The following RBM39 variants were observed in gnomAD, a reference collection of about 807,000 sequenced individuals.
RBM39 encodes RNA binding motif protein 39, also known as RNA-binding protein 39.
In RBM39, 12 loss-of-function variants were observed where a neutral mutation model predicts 79.6. The observed-to-expected ratio is 0.15, with a 90% confidence interval of 0.10 to 0.24. The LOEUF is 0.24. Among genes scored for constraint, RBM39 ranks in the 10% least tolerant of loss-of-function variants. The pLI is 1.00. For missense variants in RBM39, 243 were observed against 653.4 expected, an observed-to-expected ratio of 0.37 and a Z score of 6.85; for synonymous variants, 185 against 208.4, an observed-to-expected ratio of 0.89 and a Z score of 0.97.
intron 3 of RBM39, chr20:35,734,935 T>C (rs746857253): frequency 6.3e-7 from 1 of 1,589,294 alleles, no homozygotes; most frequent in Non-Finnish European, 8.5e-7. Context: ...CAGTGAAATT[T>C]TGTACTGAAC....
chr20:35,738,739 T>C (rs1470762174), intron 3 of RBM39, among the ~76,000 whole-genome samples: 1 of 152,200 alleles, frequency 6.6e-6, no homozygotes, highest in Non-Finnish European at 1.5e-5. Context: ...CAGATTGTCA[T>C]GATGGACTTG....
intron 8 of RBM39, 117 bp from the exon 9 acceptor site, chr20:35,721,994 T>TATC: frequency 8.6e-7 from 1 of 1,165,990 alleles, no homozygotes; most frequent in Non-Finnish European, 1.2e-6. Flanking sequence ...CTACCCTACG[T>TATC]AAGTCAGATA....
intron 6 of RBM39, among the ~76,000 whole-genome samples, chr20:35,725,656 T>TC (rs1488124997): frequency 2.7e-5 from 4 of 146,110 alleles, no homozygotes. Flanking sequence ...AAACCCATTT[T>TC]CTTTTTTTTT....
chr20:35,721,916 A>G (rs773424651), intron 8 of RBM39, 39 bp from the exon 9 acceptor site: 9 of 1,595,250 alleles, frequency 5.6e-6, no homozygotes, highest in Non-Finnish European at 7.7e-6. Flanking sequence ...GATAACACAC[A>G]GCAGTTTAAA....
At chr20:35,710,986 G>A (rs1030861974) in intron 12 of RBM39, among the ~76,000 whole-genome samples, 1 of 152,090 alleles carries the variant, frequency 6.6e-6, no homozygotes, top group Admixed American at 6.6e-5. Context: ...TATACTACAC[G>A]ATGAGAAAGA....
At position 35,725,113 on chromosome 20, in the gene RBM39, C is replaced by T. The variant is rs1394927460; in HGVS notation, c.459G>A (p.Arg153=). ...DNLTPEERDA[R]TVFCMQLAAR... ...CCGCCAGCTGCATACAGAAGACTGT[C>T]CTTGCATCTCTTTCCTCAGGAGTTA... Residue 153 remains arginine, a synonymous_variant, in exon 7 of 17, where the codon AGG becomes AGA. Transcript: ENST00000253363. 2.5e-5 allele frequency: 40 copies of T among 1,611,118 alleles called. No homozygotes were observed. The Admixed American group carries it at 6.3e-4, about 26-fold the overall frequency.
At chr20:35,730,614 G>C (rs2039260973) in intron 4 of RBM39, among the ~76,000 whole-genome samples, 1 of 151,926 alleles carries the variant, frequency 6.6e-6, no homozygotes, top group African/African-American at 2.4e-5. Flanking sequence ...CCAACATTAA[G>C]AACTAAGTAA....
chr20:35,721,635 T>C, intron 9 of RBM39, 105 bp downstream of exon 9: 1 of 1,336,932 alleles, frequency 7.5e-7, no homozygotes, highest in South Asian at 1.5e-5. Context: ...CCTTATCCTC[T>C]TAATATTAAC....
intron 14 of RBM39, among the ~76,000 whole-genome samples, 178 bp downstream of exon 14, chr20:35,706,942 G>A (rs1312643296): frequency 3.4e-5 from 5 of 146,596 alleles, no homozygotes; most frequent in Non-Finnish European, 7.4e-5. Flanking sequence ...CAGGAGAATC[G>A]CTTGAACCCA....
intron 11 of RBM39, chr20:35,713,326 T>G: frequency 2.5e-6 from 1 of 395,912 alleles, no homozygotes; most frequent in Middle Eastern, 7.3e-4. Flanking sequence ...TCTTTTTTTT[T>G]TGAGATGGAG....
At chr20:35,734,843 A>C in intron 3 of RBM39, 1 of 1,422,324 alleles carries the variant, frequency 7.0e-7, no homozygotes, top group South Asian at 1.7e-5. Context: ...TTATTACATT[A>C]ACTAAAGAAG....
intron 6 of RBM39, among the ~76,000 whole-genome samples, chr20:35,728,014 T>C (rs1283050648): frequency 6.6e-6 from 1 of 152,118 alleles, no homozygotes; most frequent in African/African-American, 2.4e-5. Flanking sequence ...TCTCGATCTC[T>C]TGACCTTGTG....
intron 12 of RBM39, 83 bp from the exon 13 acceptor site, chr20:35,709,357 A>T (rs1348278462): frequency 8.5e-7 from 1 of 1,174,456 alleles, no homozygotes; most frequent in East Asian, 2.4e-5. Context: ...GGACTACAAT[A>T]GCAGGGTTCA....
At chr20:35,709,886 G>T (rs2036186233) in intron 12 of RBM39, among the ~76,000 whole-genome samples, 1 of 152,092 alleles carries the variant, frequency 6.6e-6, no homozygotes, top group East Asian at 1.9e-4. Context: ...CTGGCCTAGT[G>T]TAAAAATTTA....
chr20:35,706,124 A>C (rs1424313863), intron 14 of RBM39, among the ~76,000 whole-genome samples: 1 of 152,204 alleles, frequency 6.6e-6, no homozygotes, highest in Non-Finnish European at 1.5e-5. Flanking sequence ...AGATCACTTA[A>C]GGTCAGGAGT....
chr20:35,727,145 C>G (rs2038809740), intron 6 of RBM39, among the ~76,000 whole-genome samples: 1 of 151,512 alleles, frequency 6.6e-6, no homozygotes, highest in South Asian at 2.1e-4. Context: ...CCTGGATTTT[C>G]AGACCAACTG....
chr20:35,716,653 A>G lies in RBM39; in HGVS notation c.891+87T>C, dbSNP rs886429515. The stretch of plus-strand genomic sequence containing the variant: ...CTAAGGTGGGACATCATTTAAGGCC[A>G]GGAGCTAGAGACTAATCTGAGCAAC... On this transcript the variant is annotated intron_variant, in intron 10 of 16. Transcript: ENST00000253363. 7 of 808,280 alleles carry G rather than the reference A, an allele frequency of 8.7e-6. No homozygotes were observed. In the African/African-American group the frequency reaches 1.1e-4, roughly 12 times the overall value. 50.1% of individuals were successfully genotyped at this position (808,280 alleles called of 1,614,324 possible).
intron 9 of RBM39, among the ~76,000 whole-genome samples, chr20:35,718,813 C>CAAAAA (rs555136304): frequency 2.4e-4 from 9 of 37,848 alleles, no homozygotes; most frequent in African/African-American, 4.0e-4. Flanking sequence ...TACTCCATCT[C>CAAAAA]AAAAAAAAAA....
Position 35,701,552 on chromosome 20 carries a change from G to A in RBM39, c.*2929C>T, listed in dbSNP as rs966610997. 1 of 152,346 alleles carries A rather than the reference G, an allele frequency of 6.6e-6. No individual in the cohort carries two copies. Among genetic ancestry groups the A allele is most frequent in the South Asian group, 2.1e-4 (1 of 4,836 alleles). The allele number at this position is 152,346 out of a possible 1,614,324, so 9.4% of individuals were successfully genotyped here. A position where few individuals can be genotyped will look rare whatever the true frequency, so the allele number is the denominator to read the frequency against. On this transcript the variant is annotated 3_prime_UTR_variant, in exon 17 of 17. Coordinates refer to ENST00000253363, the MANE Select transcript of RBM39 (RefSeq NM_184234.3). ...GTGGATCACAAGGTCAGGAGATGGA[G>A]ACCATCTTGGGTAACACGGTGACAC...
Sources: gnomAD v4.1 joint callset for allele counts (sites outside exome capture counted in the v4.1 genomes callset) on GRCh38, gnomAD v4.1.1 for gene constraint, MANE v1.5 for transcripts, NCBI Gene and HGNC (gene_info 2026-07-23, HGNC 2026-07-21) for gene names.